The following POM121C variants were observed in gnomAD, a reference collection of about 807,000 sequenced individuals.
POM121C encodes nuclear envelope pore membrane protein POM 121C.
POM121C carries 20 observed loss-of-function variants against 66.4 expected under a neutral mutation model. The observed-to-expected ratio is 0.30, with a 90% CI of 0.21 to 0.44. POM121C has a LOEUF of 0.44. POM121C is among the 20% of genes least tolerant of loss of function. The pLI is 1.00. For missense variants in POM121C, 580 were observed against 1,225.7 expected, an observed-to-expected ratio of 0.47 and a Z score of 7.87; for synonymous variants, 286 against 528.0, an observed-to-expected ratio of 0.54 and a Z score of 6.28.
intron 3 of POM121C, among the ~76,000 whole-genome samples, chr7:75,471,290 C>T (rs1360617621): frequency 6.6e-6 from 1 of 152,046 alleles, no homozygotes; most frequent in Non-Finnish European, 1.5e-5. Flanking sequence ...CTCACTGCAG[C>T]CTCTGCCTCC....
intron 5 of POM121C, among the ~76,000 whole-genome samples, chr7:75,439,981 A>C (rs1241933960): frequency 1.3e-5 from 2 of 151,212 alleles, no homozygotes; most frequent in Non-Finnish European, 2.9e-5. Flanking sequence ...CCTGGGTTCA[A>C]GCAGTTCTCC....
chr7:75,474,202 T>C (rs1211421664), intron 3 of POM121C, among the ~76,000 whole-genome samples: 1 of 151,998 alleles, frequency 6.6e-6, no homozygotes, highest in Non-Finnish European at 1.5e-5. Context: ...AAGACCAGCA[T>C]GGCCAACATG....
rs1465743288 is a variant in POM121C, at chr7:75,486,236, A to G, written c.-830T>C. The stretch of plus-strand genomic sequence containing the variant: ...GCAGACTCGGTGATTCTCGTCCACT[A>G]GAAGCCAAAGCCTGGGAACGAGAGC... On this transcript the variant is annotated 5_prime_UTR_variant, in exon 1 of 15. Coordinates refer to ENST00000615331, the MANE Select transcript of POM121C (RefSeq NM_001099415.3). 3.5e-6 allele frequency: 1 copy of G among 283,508 alleles called. No individual in the cohort carries two copies. The highest frequency in any genetic ancestry group is 6.9e-6 in the Non-Finnish European group (1 of 145,898). The allele number at this position is 283,508 out of a possible 1,614,324, so 17.6% of individuals were successfully genotyped here.
chr7:75,457,872 A>G (rs1436934458), intron 3 of POM121C, among the ~76,000 whole-genome samples: 1 of 152,238 alleles, frequency 6.6e-6, no homozygotes. Flanking sequence ...CTCCAAGAAC[A>G]GTTGATATAT....
rs1791995490 is a variant in POM121C, at chr7:75,474,376, A to T, written c.-152+328T>A. 2.6e-5 allele frequency among the ~76,000 whole-genome samples: 4 copies of T among 152,304 alleles called. No homozygotes were observed. The South Asian group carries it at 8.3e-4, about 32-fold the overall frequency. On this transcript the variant is annotated intron_variant, in intron 3 of 14. Coordinates refer to ENST00000615331, the MANE Select transcript of POM121C (RefSeq NM_001099415.3). ...ACCAGTGCACATCAGCCTGGGTGAC[A>T]GAACAAGACTCCGTCTCCAAAAACC...
At chr7:75,448,030 A>AG (rs1353277112) in intron 3 of POM121C, among the ~76,000 whole-genome samples, 1 of 151,476 alleles carries the variant, frequency 6.6e-6, no homozygotes, top group African/African-American at 2.4e-5. Context: ...TCTCAAAAAA[A>AG]AAAAAAAAAC....
intron 3 of POM121C, among the ~76,000 whole-genome samples, chr7:75,474,434 C>T (rs1164049025): frequency 6.6e-6 from 1 of 152,122 alleles, no homozygotes. Context: ...CAACAATTCT[C>T]TAATGGCGAG....
At chr7:75,471,855 A>G (rs1252704443) in intron 3 of POM121C, among the ~76,000 whole-genome samples, 9 of 152,144 alleles carry the variant, frequency 5.9e-5, no homozygotes, top group Non-Finnish European at 1.5e-5. Context: ...ATTACCGTAC[A>G]CTTAAAAATG....
intron 7 of POM121C, among the ~76,000 whole-genome samples, chr7:75,434,360 C>T (rs587628730): frequency 3.2e-4 from 49 of 151,752 alleles, no homozygotes; most frequent in African/African-American, 9.9e-4. Flanking sequence ...ACTTGACCTC[C>T]GCCTTCCAGG....
At chr7:75,428,242 C>T (rs1554471934) in intron 7 of POM121C, among the ~76,000 whole-genome samples, 3 of 152,116 alleles carry the variant, frequency 2.0e-5, no homozygotes, top group South Asian at 4.2e-4. Flanking sequence ...CTGGTTCAAG[C>T]GATTCTCCTG....
intron 3 of POM121C, among the ~76,000 whole-genome samples, chr7:75,443,101 C>A (rs587759956): frequency 3.1e-4 from 47 of 152,318 alleles, no homozygotes; most frequent in African/African-American, 1.1e-3. Flanking sequence ...TTCACAAACG[C>A]CACTGGCGGC....
At chr7:75,465,752 C>CAA (rs1172095677) in intron 3 of POM121C, among the ~76,000 whole-genome samples, 9 of 84,276 alleles carry the variant, frequency 1.1e-4, no homozygotes, top group East Asian at 6.8e-4. Context: ...GACTCCATCT[C>CAA]AAAAAAAAAA....
chr7:75,451,310 A>G (rs1791013926), intron 3 of POM121C, among the ~76,000 whole-genome samples: 1 of 147,292 alleles, frequency 6.8e-6, no homozygotes, highest in African/African-American at 2.5e-5. Context: ...ACAGCATGGT[A>G]CTGGTACCAA....
chr7:75,421,217 C>G (rs868938537), intron 13 of POM121C: 23 of 832,242 alleles, frequency 2.8e-5, no homozygotes, highest in East Asian at 2.1e-4. Context: ...CTCAAGTGAT[C>G]CACCCTCCTT....
intron 3 of POM121C, among the ~76,000 whole-genome samples, chr7:75,452,557 T>G (rs587666898): frequency 3.1e-4 from 47 of 152,288 alleles, no homozygotes; most frequent in African/African-American, 9.1e-4. Flanking sequence ...GATGACGTAT[T>G]CATGACACAA....
intron 3 of POM121C, among the ~76,000 whole-genome samples, chr7:75,463,449 CTT>C (rs1191010098): frequency 8.3e-4 from 100 of 120,708 alleles, no homozygotes; most frequent in Middle Eastern, 4.2e-3. Flanking sequence ...CTGGGTTTTT[CTT>C]TTTTTTTTTT....
chr7:75,440,854 C>T, intron 5 of POM121C, 100 bp downstream of exon 5: 1 of 1,597,606 alleles, frequency 6.3e-7, no homozygotes, highest in Admixed American at 1.7e-5. Flanking sequence ...TGAAGGCTCA[C>T]AAACTGGACG....
rs1791047430 is a variant in POM121C, at chr7:75,452,297, A to G, written c.-151-10650T>C. Among the ~76,000 whole-genome samples the G allele has an allele frequency of 2.0e-5, 3 of 151,638 alleles. No individual in the cohort carries two copies. The South Asian group carries it at 6.3e-4, about 32-fold the overall frequency. On this transcript the variant is annotated intron_variant, in intron 3 of 14. Transcript: ENST00000615331. ...ACATGGGGAAATCCCATCTCTACTA[A>G]AAATACAAAAAATTTAGCTGGGTGT...
At chr7:75,434,802 C>T (rs1224728356) in intron 7 of POM121C, among the ~76,000 whole-genome samples, 2 of 151,740 alleles carry the variant, frequency 1.3e-5, no homozygotes, top group African/African-American at 4.8e-5. Context: ...AGGATGGTCT[C>T]GAACTCAGGT....
Sources: allele counts gnomAD v4.1 joint callset (sites outside exome capture counted in the v4.1 genomes callset), GRCh38; gene constraint gnomAD v4.1.1; transcripts MANE v1.5; gene names NCBI Gene and HGNC (gene_info 2026-07-23, HGNC 2026-07-21).